SLC6A2: variants seen among roughly 807,000 people sequenced by gnomAD.
SLC6A2 encodes the protein solute carrier family 6 member 2.
A neutral mutation model predicts 71.7 loss-of-function variants in SLC6A2; 26 were observed. That is an observed-to-expected ratio of 0.36 (90% CI 0.27 to 0.50). SLC6A2 has a LOEUF of 0.50. Ranked by LOEUF, SLC6A2 falls within the 20% of genes least tolerant of loss-of-function variation. SLC6A2 has a pLI of 0.96. For missense variants in SLC6A2, 581 were observed against 803.9 expected (o/e 0.72, Z 3.35); for synonymous variants, 363 against 337.9 (o/e 1.07, Z -0.82).
chr16:55,699,623 G>A lies in SLC6A2; in HGVS notation c.1559G>A (p.Cys520Tyr). 1 of 1,614,124 alleles carries A rather than the reference G, an allele frequency of 6.2e-7. No homozygotes were observed. The highest frequency in any genetic ancestry group is 8.5e-7 in the Non-Finnish European group (1 of 1,179,962). ...GFRPGLYWRLCWKFVSPAFLL... is the reference protein window; with the variant it reads ...GFRPGLYWRLYWKFVSPAFLL... ...AGGCCGGGTCTATACTGGAGACTGTGCTGGAAGTTCGTCAGTCCTGCCTTC... is the reference window on the plus strand; with the variant it reads ...AGGCCGGGTCTATACTGGAGACTGTACTGGAAGTTCGTCAGTCCTGCCTTC... Residue 520 changes from cysteine (C) to tyrosine (Y), a missense_variant, in exon 12 of 15, where the codon TGC (cysteine) becomes TAC (tyrosine). Around this residue, in one of 5 missense-constraint regions of SLC6A2, gnomAD observed 334 missense variants for 449.0 expected, o/e 0.74. Coordinates refer to ENST00000568943, the MANE Select transcript of SLC6A2 (RefSeq NM_001172501.3).
Position 55,694,018 on chromosome 16 carries a change from T to C in SLC6A2, c.927T>C (p.Ile309=). ...FYRLKEATVW[I]DAATQIFFSL... ...TTGTCTGCTGGTTTCAGGTATGGAT[T>C]GATGCCGCAACTCAGATATTTTTTT... The change falls in exon 7 of 15, where the codon ATT becomes ATC. Residue 309 remains isoleucine, a synonymous_variant. Coordinates refer to ENST00000568943, the MANE Select transcript of SLC6A2 (RefSeq NM_001172501.3). 1 of 1,611,382 alleles carries C rather than the reference T, an allele frequency of 6.2e-7. No individual in the cohort carries two copies. Among genetic ancestry groups the C allele is most frequent in the Non-Finnish European group, 8.5e-7 (1 of 1,177,432 alleles).
In SLC6A2 at chr16:55,692,072, C is replaced by G. The variant is rs553922648; in HGVS notation, c.918+20C>G. ...GCCACGGTCAGTGCTCAGTGACCAC[C>G]AAGCCTTGGGCCAGGCTTGTGGGAG... On this transcript the variant is annotated intron_variant, in intron 6 of 14. Transcript: ENST00000568943. The G allele has an allele frequency of 3.7e-6, 6 of 1,613,784 alleles. No individual in the cohort carries two copies. The African/African-American group carries it at 4.0e-5, about 11-fold the overall frequency.
chr16:55,670,770 G>A (rs151298756), intron 3 of SLC6A2, among the ~76,000 whole-genome samples: 150 of 152,274 alleles, frequency 9.9e-4, no homozygotes, highest in African/African-American at 3.4e-3. Context: ...GGTTTAACTT[G>A]AGTCATATGC....
At chr16:55,677,470 A>T (rs1004779838) in intron 4 of SLC6A2, among the ~76,000 whole-genome samples, 1 of 152,132 alleles carries the variant, frequency 6.6e-6, no homozygotes, top group Non-Finnish European at 1.5e-5. Flanking sequence ...CATGGCTAGT[A>T]TGTCGGCCCC....
At chr16:55,685,715 T>C (rs1025940194) in intron 5 of SLC6A2, among the ~76,000 whole-genome samples, 1 of 152,212 alleles carries the variant, frequency 6.6e-6, no homozygotes. Context: ...CCCCTCTGAA[T>C]TTTTGAGAAA....
At position 55,705,817 on chromosome 16, in the gene SLC6A2, A is replaced by G. The variant is rs996292602; in HGVS notation, c.*3471A>G. 2.6e-5 allele frequency: 4 copies of G among 152,286 alleles called. No individual in the cohort carries two copies. The highest frequency in any genetic ancestry group is 5.9e-5 in the Non-Finnish European group (4 of 68,078). 9.4% of individuals were successfully genotyped at this position (152,286 alleles called of 1,614,324 possible). A position where few individuals can be genotyped will look rare whatever the true frequency, so the allele number is the denominator to read the frequency against. ...GAACTTTGATTTTTCTGGACATTCAATAGTTCCTCTTTCTCAGATATTTTT... is the reference window on the plus strand; with the variant it reads ...GAACTTTGATTTTTCTGGACATTCAGTAGTTCCTCTTTCTCAGATATTTTT... On this transcript the variant is annotated 3_prime_UTR_variant, in exon 15 of 15. Coordinates refer to ENST00000568943, the MANE Select transcript of SLC6A2 (RefSeq NM_001172501.3).
intron 2 of SLC6A2, 42 bp from the exon 3 acceptor site, chr16:55,669,523 G>A: frequency 1.2e-6 from 2 of 1,612,056 alleles, no homozygotes; most frequent in African/African-American, 2.7e-5. Flanking sequence ...ACTGGGAGGG[G>A]CAGGGGTCTG....
intron 4 of SLC6A2, among the ~76,000 whole-genome samples, chr16:55,680,831 C>A (rs1965248260): frequency 6.6e-6 from 1 of 152,100 alleles, no homozygotes; most frequent in African/African-American, 2.4e-5. Flanking sequence ...CAACTGATTG[C>A]ATGGGGAAGA....
intron 5 of SLC6A2, among the ~76,000 whole-genome samples, chr16:55,691,166 G>C (rs1567451056): frequency 6.8e-6 from 1 of 147,806 alleles, no homozygotes; most frequent in Non-Finnish European, 1.5e-5. Flanking sequence ...GATGAGGGAG[G>C]GGAGAGCAAG....
intron 3 of SLC6A2, among the ~76,000 whole-genome samples, chr16:55,670,713 C>A (rs1057432664): frequency 6.6e-6 from 1 of 152,130 alleles, no homozygotes; most frequent in African/African-American, 2.4e-5. Flanking sequence ...AACAAAAACC[C>A]TTATAGAGTC....
chr16:55,693,981 G>A (rs370323503), intron 6 of SLC6A2, 29 bp from the exon 7 acceptor site: 35 of 1,434,228 alleles, frequency 2.4e-5, no homozygotes, highest in Non-Finnish European at 3.2e-5. Flanking sequence ...AGGAAGCAGA[G>A]GCTGATGGCT....
intron 12 of SLC6A2, 50 bp downstream of exon 12, chr16:55,699,704 C>A: frequency 7.6e-7 from 1 of 1,319,952 alleles, no homozygotes. Flanking sequence ...GGGCTGTGTC[C>A]AGGATGGAGC....
intron 4 of SLC6A2, among the ~76,000 whole-genome samples, chr16:55,681,091 C>A (rs1425216200): frequency 6.6e-6 from 1 of 152,202 alleles, no homozygotes; most frequent in Admixed American, 6.5e-5. Context: ...AGCCGACCCC[C>A]TCTACTGAGT....
intron 2 of SLC6A2, among the ~76,000 whole-genome samples, chr16:55,669,308 T>G (rs910491800): frequency 6.6e-6 from 1 of 152,234 alleles, no homozygotes. Context: ...AGGAGAAGCC[T>G]GCAAGAAGCA....
intron 2 of SLC6A2, among the ~76,000 whole-genome samples, chr16:55,661,800 C>A (rs866070726): frequency 6.6e-6 from 1 of 152,172 alleles, no homozygotes; most frequent in African/African-American, 2.4e-5. Context: ...TGTGATTCTG[C>A]GTCCCCAGTG....
rs191672457 is a variant in SLC6A2, at chr16:55,688,013, C to T, written c.783+2732C>T. ...GCATGTGTCATCCGAAACCACAGCCCACATTTTGCATAAGTCCCTCAGTGT... is the reference window on the plus strand; with the variant it reads ...GCATGTGTCATCCGAAACCACAGCCTACATTTTGCATAAGTCCCTCAGTGT... On this transcript the variant is annotated intron_variant, in intron 5 of 14. Transcript: ENST00000568943. 3.3e-5 allele frequency among the ~76,000 whole-genome samples: 5 copies of T among 152,338 alleles called. No homozygotes were observed. The East Asian group carries it at 7.7e-4, about 24-fold the overall frequency.
chr16:55,656,983 G>T lies in SLC6A2; in HGVS notation c.274+15G>T, dbSNP rs186556843. 1 of 1,611,786 alleles carries T rather than the reference G, an allele frequency of 6.2e-7. No homozygotes were observed. Among genetic ancestry groups the T allele is most frequent in the Non-Finnish European group, 8.5e-7 (1 of 1,178,972 alleles). On this transcript the variant is annotated intron_variant, in intron 2 of 14. Coordinates refer to ENST00000568943, the MANE Select transcript of SLC6A2 (RefSeq NM_001172501.3). This position sits in a 1 kb window ranked among gnomAD's most constrained non-coding sequence, Gnocchi z 4.5. Reference sequence around the variant, plus strand: ...GAACGGCGGCGGTGAGCGTGGGGTCGGGCTGGGAATTTGAATCTGGGAGGT... The same window carrying T: ...GAACGGCGGCGGTGAGCGTGGGGTCTGGCTGGGAATTTGAATCTGGGAGGT...
rs376682003 is a variant in SLC6A2 at position 55,698,924 on chromosome 16, A to T, written c.1489+356A>T. ...TAACAAATAATTATTTAGTATAAGT[A>T]TAGCTCAAATATTGCATCGGACATA... On this transcript the variant is annotated intron_variant, in intron 11 of 14. Transcript: ENST00000568943. Among the ~76,000 whole-genome samples the T allele has an allele frequency of 1.2e-4, 18 of 152,372 alleles. 1 individual carries two copies. The East Asian group carries it at 1.5e-3, about 13-fold the overall frequency.
chr16:55,669,506 A>T, intron 2 of SLC6A2, 59 bp from the exon 3 acceptor site: 5 of 1,605,074 alleles, frequency 3.1e-6, no homozygotes, highest in Non-Finnish European at 4.3e-6. Flanking sequence ...GCAGACACGG[A>T]TCCAAGACTG....
Sources: gnomAD v4.1 joint callset for allele counts (sites outside exome capture counted in the v4.1 genomes callset) on GRCh38, gnomAD v4.1.1 for gene constraint, gnomAD v4.1.1 regional missense constraint, Gnocchi (gnomAD v3.1) non-coding constraint, MANE v1.5 for transcripts, NCBI Gene and HGNC (gene_info 2026-07-23, HGNC 2026-07-21) for gene names.